The following ADGRB3 variants were observed in gnomAD, a reference collection of about 807,000 sequenced individuals.
ADGRB3 encodes brain-specific angiogenesis inhibitor 3.
In ADGRB3, 37 loss-of-function variants were observed where a neutral mutation model predicts 193.4. That is an observed-to-expected ratio of 0.19 (90% CI 0.15 to 0.25). The LOEUF (loss-of-function observed/expected upper bound fraction) is 0.25. ADGRB3 is among the 10% of genes least tolerant of loss of function. The pLI is 1.00. For missense variants in ADGRB3, 1,637 were observed against 1,852.9 expected (o/e 0.88, Z 2.14); for synonymous variants, 690 against 644.2 (o/e 1.07, Z -1.08).
At chr6:68,657,050 G>C (rs1768506763) in intron 3 of ADGRB3, among the ~76,000 whole-genome samples, 1 of 151,370 alleles carries the variant, frequency 6.6e-6, no homozygotes, top group African/African-American at 2.4e-5. Context: ...TTCAATTCCA[G>C]TTTTACTCAT....
In ADGRB3 at chr6:69,332,152, G is replaced by A. The variant is rs926068937; in HGVS notation, c.3103-771G>A. 1.0e-5 allele frequency: 10 copies of A among 985,304 alleles called. No individual in the cohort carries two copies. The East Asian group carries it at 9.1e-4, about 89-fold the overall frequency. 61.0% of individuals were successfully genotyped at this position (985,304 alleles called of 1,614,324 possible). On this transcript the variant is annotated intron_variant, in intron 23 of 31. Transcript: ENST00000370598. ...TGTTGGTAGATTAGAGAACTGTCGG[G>A]GCTCATCATAAGCTGGTACAAATAG...
intron 4 of ADGRB3, among the ~76,000 whole-genome samples, chr6:68,935,801 A>G (rs1767471909): frequency 6.6e-6 from 1 of 152,234 alleles, no homozygotes; most frequent in African/African-American, 2.4e-5. Flanking sequence ...GACATTCATT[A>G]GCTTTTTAGA....
chr6:69,009,052 C>G (rs1011590614), intron 11 of ADGRB3, among the ~76,000 whole-genome samples: 1 of 151,974 alleles, frequency 6.6e-6, no homozygotes, highest in South Asian at 2.1e-4. Context: ...GAATGCTTAG[C>G]CCATTTCCTT....
At chr6:69,248,866 C>A (rs536059091) in intron 20 of ADGRB3, among the ~76,000 whole-genome samples, 12 of 152,306 alleles carry the variant, frequency 7.9e-5, no homozygotes, top group African/African-American at 2.9e-4. Context: ...GACGTGTCTA[C>A]CCAAGGGTTA....
intron 3 of ADGRB3, among the ~76,000 whole-genome samples, chr6:68,705,208 C>T (rs1016018440): frequency 2.6e-5 from 4 of 152,160 alleles, no homozygotes; most frequent in African/African-American, 9.6e-5. Flanking sequence ...TCAAATACAG[C>T]ATTCTGTAAC....
intron 3 of ADGRB3, among the ~76,000 whole-genome samples, chr6:68,763,340 T>G (rs1227586727): frequency 6.6e-6 from 1 of 152,214 alleles, no homozygotes; most frequent in African/African-American, 2.4e-5. Flanking sequence ...TCCGCCCGCC[T>G]TGGCCTCCCA....
chr6:69,013,898 T>C lies in ADGRB3; in HGVS notation c.1930-140T>C, dbSNP rs1454514692. The C allele has an allele frequency of 1.1e-5, 5 of 472,398 alleles. No individual in the cohort carries two copies. The East Asian group carries it at 1.4e-4, about 13-fold the overall frequency. 29.3% of individuals were successfully genotyped at this position (472,398 alleles called of 1,614,324 possible). A position where few individuals can be genotyped will look rare whatever the true frequency, so the allele number is the denominator to read the frequency against. ...TTCTGTAAAAGGATCCTCAGTGATC[T>C]TCTAGAATACTATGTTAGGGTCATA... On this transcript the variant is annotated intron_variant, in intron 11 of 31. Coordinates refer to ENST00000370598, the MANE Select transcript of ADGRB3 (RefSeq NM_001704.3).
intron 3 of ADGRB3, among the ~76,000 whole-genome samples, chr6:68,657,037 T>G (rs1768506507): frequency 6.6e-6 from 1 of 151,550 alleles, no homozygotes; most frequent in African/African-American, 2.4e-5. Context: ...GACTTCGATT[T>G]TATTCAATTC....
intron 17 of ADGRB3, among the ~76,000 whole-genome samples, chr6:69,208,490 A>C (rs1327394484): frequency 6.6e-6 from 1 of 152,148 alleles, no homozygotes; most frequent in Admixed American, 6.5e-5. Flanking sequence ...AACCAGGTGC[A>C]CTGCTCGAAG....
At chr6:69,182,138 T>G (rs988770056) in intron 17 of ADGRB3, among the ~76,000 whole-genome samples, 1 of 152,120 alleles carries the variant, frequency 6.6e-6, no homozygotes, top group African/African-American at 2.4e-5. Context: ...GATGCACCCA[T>G]GAGACAGGAG....
intron 3 of ADGRB3, among the ~76,000 whole-genome samples, chr6:68,833,618 GTT>G (rs1308686063): frequency 6.8e-6 from 1 of 146,218 alleles, no homozygotes; most frequent in Admixed American, 7.0e-5. Flanking sequence ...TTATCTTCTT[GTT>G]TTACTGAGAT....
chr6:68,853,384 A>T (rs1453201438), intron 3 of ADGRB3, among the ~76,000 whole-genome samples: 1 of 152,058 alleles, frequency 6.6e-6, no homozygotes, highest in African/African-American at 2.4e-5. Context: ...GAAATAAATG[A>T]ATGGTTTCAT....
chr6:68,993,217 C>CAAT (rs1769289667), intron 10 of ADGRB3, among the ~76,000 whole-genome samples: 1 of 151,730 alleles, frequency 6.6e-6, no homozygotes, highest in Non-Finnish European at 1.5e-5. Context: ...AAAGCTAAAG[C>CAAT]AATCTGGTTT....
intron 20 of ADGRB3, among the ~76,000 whole-genome samples, chr6:69,319,123 CTATTT>C (rs1561986203): frequency 6.6e-6 from 1 of 151,002 alleles, no homozygotes; most frequent in Non-Finnish European, 1.5e-5. Flanking sequence ...TGTTTTCTAT[CTATTT>C]AAGTCTAAAA....
chr6:69,239,412 A>C (rs1232844875), intron 20 of ADGRB3, among the ~76,000 whole-genome samples, 186 bp downstream of exon 20: 1 of 152,012 alleles, frequency 6.6e-6, no homozygotes, highest in Non-Finnish European at 1.5e-5. Flanking sequence ...TATACCCTTG[A>C]TTTAATTCCC....
intron 3 of ADGRB3, among the ~76,000 whole-genome samples, chr6:68,865,895 CAGG>C (rs746119373): frequency 2.6e-5 from 4 of 152,066 alleles, no homozygotes; most frequent in Non-Finnish European, 5.9e-5. Flanking sequence ...CCACCATGGC[CAGG>C]AGAAGAAATT....
chr6:69,045,593 A>G (rs1460234819), intron 13 of ADGRB3, among the ~76,000 whole-genome samples: 2 of 152,148 alleles, frequency 1.3e-5, no homozygotes, highest in African/African-American at 2.4e-5. Context: ...CAATGTATAC[A>G]TATTTTAAAA....
rs76049517 is a variant in ADGRB3, at chr6:68,866,271, A to T, written c.758-64288A>T. ...CCTCCTGTTCTCATGATAGTGAGTGAGTTCTCAATGAGATATGATGGTTCA... is the reference window on the plus strand; with the variant it reads ...CCTCCTGTTCTCATGATAGTGAGTGTGTTCTCAATGAGATATGATGGTTCA... On this transcript the variant is annotated intron_variant, in intron 3 of 31. Coordinates refer to ENST00000370598, the MANE Select transcript of ADGRB3 (RefSeq NM_001704.3). Among the ~76,000 whole-genome samples the T allele has an allele frequency of 3.2e-4, 48 of 152,272 alleles. No individual in the cohort carries two copies. The East Asian group carries it at 8.5e-3, about 27-fold the overall frequency.
chr6:68,717,545 A>C (rs2127320830), intron 3 of ADGRB3, among the ~76,000 whole-genome samples: 1 of 151,752 alleles, frequency 6.6e-6, no homozygotes, highest in South Asian at 2.1e-4. Flanking sequence ...GGGAAAAGTG[A>C]TTCTACTTAT....
Sources: gnomAD v4.1 joint callset for allele counts (sites outside exome capture counted in the v4.1 genomes callset) on GRCh38, gnomAD v4.1.1 for gene constraint, MANE v1.5 for transcripts, NCBI Gene and HGNC (gene_info 2026-07-23, HGNC 2026-07-21) for gene names.